Variants in CFAP299 observed in about 807,000 individuals in gnomAD.
CFAP299 encodes cilia- and flagella-associated protein 299.
Under a neutral mutation model 27.0 loss-of-function variants are expected in CFAP299, and 21 were observed. That is an observed-to-expected ratio of 0.78 (90% CI 0.55 to 1.12). The LOEUF (loss-of-function observed/expected upper bound fraction) is 1.12. Ranked by LOEUF, CFAP299 falls within the 50% of genes most tolerant of loss-of-function variation. CFAP299 has a pLI of 0.00. For missense variants in CFAP299, 310 were observed against 276.6 expected (o/e 1.12, Z -0.86); for synonymous variants, 104 against 98.1 (o/e 1.06, Z -0.36).
At chr4:80,563,538 C>T (rs1735140148) in intron 2 of CFAP299, among the ~76,000 whole-genome samples, 1 of 151,890 alleles carries the variant, frequency 6.6e-6, no homozygotes, top group Non-Finnish European at 1.5e-5. Flanking sequence ...CTATGGGATA[C>T]AGCAAAAGCA....
chr4:80,401,475 C>T (rs1726151787), intron 2 of CFAP299, among the ~76,000 whole-genome samples: 1 of 152,202 alleles, frequency 6.6e-6, no homozygotes, highest in Admixed American at 6.5e-5. Context: ...GCTGTGGCTT[C>T]AGAGGGGGGA....
At chr4:80,373,970 A>G (rs185392566) in intron 2 of CFAP299, among the ~76,000 whole-genome samples, 96 of 152,202 alleles carry the variant, frequency 6.3e-4, no homozygotes, top group African/African-American at 2.1e-3. Flanking sequence ...GTCTCACACA[A>G]TATGTTTCTT....
intron 5 of CFAP299, among the ~76,000 whole-genome samples, chr4:80,962,835 T>A (rs1297613280): frequency 6.6e-6 from 1 of 152,014 alleles, no homozygotes; most frequent in Non-Finnish European, 1.5e-5. Flanking sequence ...GTGCAACTCT[T>A]TTAGAATCAT....
At chr4:80,593,942 C>G (rs1380506705) in intron 3 of CFAP299, among the ~76,000 whole-genome samples, 1 of 152,028 alleles carries the variant, frequency 6.6e-6, no homozygotes, top group Non-Finnish European at 1.5e-5. Flanking sequence ...TTATTTTAAT[C>G]ATGAGTTATC....
chr4:80,749,008 A>G (rs780200007), intron 3 of CFAP299, among the ~76,000 whole-genome samples: 5 of 152,160 alleles, frequency 3.3e-5, no homozygotes, highest in African/African-American at 9.6e-5. Context: ...TTCTCTGTAC[A>G]GTGTGATAGG....
At chr4:80,462,151 A>G (rs1383323863) in intron 2 of CFAP299, among the ~76,000 whole-genome samples, 3 of 152,202 alleles carry the variant, frequency 2.0e-5, no homozygotes, top group African/African-American at 7.2e-5. Context: ...CCATAGTCTC[A>G]AATGAGAAGA....
intron 2 of CFAP299, among the ~76,000 whole-genome samples, chr4:80,372,446 C>T (rs1168641202): frequency 1.3e-5 from 2 of 152,190 alleles, no homozygotes; most frequent in Admixed American, 1.3e-4. Flanking sequence ...AATGAGTCCC[C>T]AGATAGCAGT....
At chr4:80,517,267 G>C (rs1732634133) in intron 2 of CFAP299, among the ~76,000 whole-genome samples, 1 of 152,170 alleles carries the variant, frequency 6.6e-6, no homozygotes, top group Non-Finnish European at 1.5e-5. Context: ...ACACTGGTTT[G>C]AGTAAGAATT....
intron 3 of CFAP299, among the ~76,000 whole-genome samples, chr4:80,640,236 A>G (rs190050275): frequency 6.6e-6 from 1 of 152,250 alleles, no homozygotes; most frequent in African/African-American, 2.4e-5. Flanking sequence ...GATTTACAAC[A>G]TGCTGGGGAA....
intron 3 of CFAP299, among the ~76,000 whole-genome samples, chr4:80,733,957 A>G (rs553650570): frequency 1.3e-5 from 2 of 152,112 alleles, no homozygotes; most frequent in South Asian, 4.1e-4. Flanking sequence ...TGATGTACCA[A>G]TGTCCTTTCT....
intron 3 of CFAP299, among the ~76,000 whole-genome samples, chr4:80,866,081 A>ATATATATATATATATATATATG (rs1313817923): frequency 6.5e-5 from 8 of 122,562 alleles, no homozygotes; most frequent in African/African-American, 2.3e-4. Flanking sequence ...ATATATATAT[A>ATATATATATATATATATATATG]TATATATATA....
At chr4:80,781,612 T>C (rs941765728) in intron 3 of CFAP299, among the ~76,000 whole-genome samples, 1 of 152,044 alleles carries the variant, frequency 6.6e-6, no homozygotes, top group Non-Finnish European at 1.5e-5. Context: ...GCAATAAATA[T>C]ACGGGAAGGT....
intron 1 of CFAP299, among the ~76,000 whole-genome samples, chr4:80,358,293 G>A (rs1723369155): frequency 6.6e-6 from 1 of 152,114 alleles, no homozygotes; most frequent in Admixed American, 6.6e-5. Flanking sequence ...ACAGGTGGCA[G>A]TGAGAAGAAC....
intron 3 of CFAP299, among the ~76,000 whole-genome samples, chr4:80,813,963 G>GT (rs1375491871): frequency 6.6e-6 from 1 of 151,916 alleles, no homozygotes; most frequent in Non-Finnish European, 1.5e-5. Context: ...GAATGTCTGA[G>GT]TTTTTTCTTT....
chr4:80,874,834 C>G (rs1054417924), intron 4 of CFAP299, among the ~76,000 whole-genome samples: 2 of 152,024 alleles, frequency 1.3e-5, no homozygotes, highest in Non-Finnish European at 1.5e-5. Context: ...CATATGGCCA[C>G]CGAGTACTTG....
intron 5 of CFAP299, among the ~76,000 whole-genome samples, chr4:80,958,146 T>A (rs1738160334): frequency 6.6e-6 from 1 of 152,170 alleles, no homozygotes; most frequent in Admixed American, 6.6e-5. Context: ...ATTATTCTCT[T>A]CTAAAAGTCC....
intron 3 of CFAP299, among the ~76,000 whole-genome samples, chr4:80,860,502 AT>A (rs1283185962): frequency 6.6e-6 from 1 of 151,762 alleles, no homozygotes; most frequent in Non-Finnish European, 1.5e-5. Flanking sequence ...TAGAGTTGCC[AT>A]TTTTTCTGCT....
chr4:80,549,122 T>C (rs936339529), intron 2 of CFAP299, among the ~76,000 whole-genome samples: 4 of 152,094 alleles, frequency 2.6e-5, no homozygotes, highest in African/African-American at 9.7e-5. Flanking sequence ...TTTGTATTTT[T>C]TCTAAGCACT....
chr4:80,410,272 C>T lies in CFAP299; in HGVS notation c.242+47388C>T, dbSNP rs182207764. Among the ~76,000 whole-genome samples, 14 of 152,236 alleles carry T rather than the reference C, an allele frequency of 9.2e-5. No homozygotes were observed. In the South Asian group the frequency reaches 1.2e-3, roughly 14 times the overall value. On this transcript the variant is annotated intron_variant, in intron 2 of 5. Transcript: ENST00000358105. The stretch of plus-strand genomic sequence containing the variant: ...CACTGAAACAGGTAACCAAGGAATA[C>T]GGGGAAGTTTAATCCTTAGAGATTT...
Sources: allele counts gnomAD v4.1 joint callset (sites outside exome capture counted in the v4.1 genomes callset), GRCh38; gene constraint gnomAD v4.1.1; transcripts MANE v1.5; gene names NCBI Gene and HGNC (gene_info 2026-07-23, HGNC 2026-07-21).